SMYD3: variants seen among roughly 807,000 people sequenced by gnomAD.
SMYD3 encodes the protein histone-lysine N-methyltransferase SMYD3.
In SMYD3, 36 loss-of-function variants were observed where a neutral mutation model predicts 57.7. That is an observed-to-expected ratio of 0.62 (90% CI 0.48 to 0.82). SMYD3 has a LOEUF of 0.82. SMYD3 is among the 40% of genes least tolerant of loss of function. SMYD3 has a pLI of 0.00. For missense variants in SMYD3, 515 were observed against 538.8 expected, an observed-to-expected ratio of 0.96 and a Z score of 0.44; for synonymous variants, 211 against 195.0, an observed-to-expected ratio of 1.08 and a Z score of -0.68.
At chr1:245,850,623 C>T (rs1166478418) in intron 10 of SMYD3, among the ~76,000 whole-genome samples, 1 of 152,112 alleles carries the variant, frequency 6.6e-6, no homozygotes, top group Non-Finnish European at 1.5e-5. Flanking sequence ...AACACTTGAG[C>T]CCAGGAAGTA....
chr1:245,791,952 T>TTTGTGTG (rs145276611), intron 10 of SMYD3, among the ~76,000 whole-genome samples: 1 of 146,138 alleles, frequency 6.8e-6, no homozygotes, highest in Non-Finnish European at 1.5e-5. Flanking sequence ...AATTTTAAAC[T>TTTGTGTG]TGTGTGTGTG....
At chr1:246,432,657 C>A (rs1051313392) in intron 1 of SMYD3, among the ~76,000 whole-genome samples, 1 of 152,182 alleles carries the variant, frequency 6.6e-6, no homozygotes, top group Non-Finnish European at 1.5e-5. Context: ...TCCACTCGCT[C>A]GCTTGGTCTT....
At chr1:246,312,453 A>G (rs1176008185) in intron 5 of SMYD3, among the ~76,000 whole-genome samples, 1 of 152,152 alleles carries the variant, frequency 6.6e-6, no homozygotes, top group Non-Finnish European at 1.5e-5. Flanking sequence ...TAGAGTCAAG[A>G]GATCTTTAAA....
intron 1 of SMYD3, among the ~76,000 whole-genome samples, chr1:246,459,876 A>G (rs908195564): frequency 7.2e-6 from 1 of 139,498 alleles, no homozygotes; most frequent in Admixed American, 8.2e-5. Flanking sequence ...TGAACTGAAG[A>G]TTCTTCTGTC....
chr1:245,761,366 G>T (rs538149730), intron 11 of SMYD3, among the ~76,000 whole-genome samples: 11 of 152,230 alleles, frequency 7.2e-5, no homozygotes, highest in African/African-American at 2.4e-4. Flanking sequence ...TGGGCATGAG[G>T]GATGTAAAGG....
intron 1 of SMYD3, among the ~76,000 whole-genome samples, chr1:246,362,599 T>C (rs1002696114): frequency 6.6e-6 from 1 of 152,224 alleles, no homozygotes; most frequent in Admixed American, 6.5e-5. Context: ...TGCCTGCGAT[T>C]GCAGGCGCGC....
chr1:246,231,406 A>C (rs946216081), intron 5 of SMYD3, among the ~76,000 whole-genome samples: 3 of 152,208 alleles, frequency 2.0e-5, no homozygotes, highest in Non-Finnish European at 1.5e-5. Context: ...CACTATATGG[A>C]AGAGTATAAT....
In SMYD3 at chr1:245,749,505, G is replaced by T; in HGVS notation, c.*58C>A. The T allele has an allele frequency of 7.7e-7, 1 of 1,299,056 alleles. No individual in the cohort carries two copies. The highest frequency in any genetic ancestry group is 1.1e-6 in the Non-Finnish European group (1 of 894,546). The allele number at this position is 1,299,056 out of a possible 1,614,324, so 80.5% of individuals were successfully genotyped here. A position where few individuals can be genotyped will look rare whatever the true frequency, so the allele number is the denominator to read the frequency against. ...ACAGCTAACAAAGCATAGAGTGTGT[G>T]ACCTCAATAAGGCATTCAACAAAGA... On this transcript the variant is annotated 3_prime_UTR_variant, in exon 12 of 12. Transcript: ENST00000490107.
chr1:245,765,692 G>A (rs562342607), intron 10 of SMYD3, among the ~76,000 whole-genome samples: 3 of 152,218 alleles, frequency 2.0e-5, no homozygotes, highest in Non-Finnish European at 4.4e-5. Flanking sequence ...GGTAGGAGAA[G>A]GGAAGCATAT....
intron 5 of SMYD3, among the ~76,000 whole-genome samples, chr1:246,310,733 G>A (rs375163698): frequency 3.6e-5 from 5 of 139,168 alleles, no homozygotes; most frequent in South Asian, 2.4e-4. Context: ...GCAGTGGCGC[G>A]ATCTTGGCTC....
chr1:246,096,072 C>A (rs1236915222), intron 5 of SMYD3, among the ~76,000 whole-genome samples: 1 of 152,258 alleles, frequency 6.6e-6, no homozygotes, highest in South Asian at 2.1e-4. Context: ...GAACAGCACA[C>A]GTGCAATTCT....
At chr1:245,999,382 A>G (rs1374229162) in intron 5 of SMYD3, among the ~76,000 whole-genome samples, 1 of 152,194 alleles carries the variant, frequency 6.6e-6, no homozygotes, top group Non-Finnish European at 1.5e-5. Flanking sequence ...CAACTTGTAT[A>G]ACCTTCATGG....
intron 5 of SMYD3, among the ~76,000 whole-genome samples, chr1:245,939,038 C>T (rs1231034819): frequency 2.0e-5 from 3 of 151,766 alleles, no homozygotes; most frequent in African/African-American, 4.8e-5. Context: ...CCCAGCTACT[C>T]GGGAGGGTGA....
intron 5 of SMYD3, among the ~76,000 whole-genome samples, chr1:246,275,358 T>G (rs189650196): frequency 1.1e-4 from 17 of 152,310 alleles, no homozygotes; most frequent in Non-Finnish European, 2.1e-4. Context: ...GTTTGAATAC[T>G]AACTCTGTTT....
In SMYD3 at chr1:246,336,205, C is replaced by T. The variant is rs540381062; in HGVS notation, c.229-731G>A. Reference sequence around the variant, plus strand: ...AGTTGCCAATGTACAGATGAATGGACTAAAGGGAAGGACACTATCCTTGAG... The same window carrying T: ...AGTTGCCAATGTACAGATGAATGGATTAAAGGGAAGGACACTATCCTTGAG... On this transcript the variant is annotated intron_variant, in intron 2 of 11. Transcript: ENST00000490107. Among the ~76,000 whole-genome samples the T allele has an allele frequency of 7.2e-5, 11 of 152,254 alleles. No homozygotes were observed. The South Asian group carries it at 1.0e-3, about 14-fold the overall frequency.
At chr1:245,941,590 G>A (rs1174023538) in intron 5 of SMYD3, among the ~76,000 whole-genome samples, 2 of 152,084 alleles carry the variant, frequency 1.3e-5, no homozygotes, top group Non-Finnish European at 2.9e-5. Context: ...GAACAATCTC[G>A]GCTCACTACA....
At chr1:245,994,592 T>C (rs1214984359) in intron 5 of SMYD3, among the ~76,000 whole-genome samples, 2 of 152,142 alleles carry the variant, frequency 1.3e-5, no homozygotes, top group African/African-American at 4.8e-5. Flanking sequence ...ATCTCCCACA[T>C]TTAGGAGGAA....
chr1:246,395,661 G>A (rs1187949890), intron 1 of SMYD3, among the ~76,000 whole-genome samples: 1 of 83,948 alleles, frequency 1.2e-5, no homozygotes, highest in Non-Finnish European at 2.8e-5. Context: ...CAGGGAAGAC[G>A]AACCCACCAC....
intron 2 of SMYD3, among the ~76,000 whole-genome samples, chr1:246,348,077 T>TATATATATATATATATATAGATATAC: frequency 1.2e-5 from 1 of 86,488 alleles, no homozygotes; most frequent in Non-Finnish European, 2.6e-5. Context: ...TATATATATA[T>TATATATATATATATATATAGATATAC]ACACACACAC....
Sources: allele counts gnomAD v4.1 joint callset (sites outside exome capture counted in the v4.1 genomes callset), GRCh38; gene constraint gnomAD v4.1.1; transcripts MANE v1.5; gene names NCBI Gene and HGNC (gene_info 2026-07-23, HGNC 2026-07-21).